Variants in IGFL2 observed in about 807,000 individuals in gnomAD.
The protein encoded by IGFL2 is insulin growth factor-like family member 2.
Under a neutral mutation model 13.9 loss-of-function variants are expected in IGFL2, and 7 were observed. The observed-to-expected ratio is 0.51, with a 90% CI of 0.29 to 0.95. The LOEUF is 0.95. Ranked by LOEUF, IGFL2 falls within the 40% of genes least tolerant of loss-of-function variation. The pLI is 0.08. For synonymous variants in IGFL2, 55 were observed against 55.8 expected, an observed-to-expected ratio of 0.99 and a Z score of 0.07; for missense variants, 138 against 147.8, an observed-to-expected ratio of 0.93 and a Z score of 0.34.
At chr19:46,174,290 A>G in the IGFL2 span, among the ~76,000 whole-genome samples, 1 of 152,352 alleles carries the variant, frequency 6.6e-6, no homozygotes, top group East Asian at 1.9e-4. Context: ...CAACACAGTG[A>G]CAGCAGAGCA....
chr19:46,180,508 A>T, the IGFL2 span: 1 of 152,142 alleles, frequency 6.6e-6, no homozygotes, highest in Non-Finnish European at 1.5e-5. Flanking sequence ...AGCCTTTTAT[A>T]TTTACTACAT....
chr19:46,134,570 C>T, the IGFL2 span, among the ~76,000 whole-genome samples: 2 of 152,212 alleles, frequency 1.3e-5, no homozygotes, highest in African/African-American at 4.8e-5. Flanking sequence ...GACAGATCAT[C>T]AGACATTAGA....
chr19:46,107,487 G>A, the IGFL2 span, among the ~76,000 whole-genome samples: 1 of 152,202 alleles, frequency 6.6e-6, no homozygotes, highest in Non-Finnish European at 1.5e-5. Context: ...TTGGCCCAGT[G>A]GCCAGATTTC....
At chr19:46,103,770 T>C in the IGFL2 span, among the ~76,000 whole-genome samples, 1 of 152,140 alleles carries the variant, frequency 6.6e-6, no homozygotes, top group Non-Finnish European at 1.5e-5. Flanking sequence ...CGAAGAGACC[T>C]AATAAAAATG....
the IGFL2 span, among the ~76,000 whole-genome samples, chr19:46,082,691 A>G: frequency 6.6e-6 from 1 of 151,324 alleles, no homozygotes; most frequent in African/African-American, 2.4e-5. Context: ...TGGTGCAGTC[A>G]TGGCTCACTG....
At chr19:46,176,657 A>ATC in the IGFL2 span, among the ~76,000 whole-genome samples, 1 of 152,120 alleles carries the variant, frequency 6.6e-6, no homozygotes, top group African/African-American at 2.4e-5. Flanking sequence ...GATGCCAGGG[A>ATC]TCTACACATG....
upstream of IGFL2, among the ~76,000 whole-genome samples, chr19:46,145,655 T>C (rs1973098326): frequency 6.6e-6 from 1 of 150,858 alleles, no homozygotes; most frequent in Non-Finnish European, 1.5e-5. Context: ...TTTATTTATT[T>C]AATATATATA....
At chr19:46,162,573 C>T (rs762622298), downstream of IGFL2, among the ~76,000 whole-genome samples, 12 of 152,118 alleles carry the variant, frequency 7.9e-5, no homozygotes, top group African/African-American at 2.9e-4. Flanking sequence ...CTTTCCTCAG[C>T]TTGGTTTATT....
chr19:46,160,389 CTTAACCTCCT>C lies in IGFL2; in HGVS notation c.20-23_20-14del, dbSNP rs1568433319. On this transcript the variant is annotated splice_polypyrimidine_tract_variant and intron_variant, in intron 1 of 3. Coordinates refer to ENST00000377693, the MANE Select transcript of IGFL2 (RefSeq NM_001135113.2). ...TAGTGGCCACACTTCCAGCCCCATC[CTTAACCTCCT>C]TTCTTTCTCTCCCAGCTCCTGCTTA... 6.2e-7 allele frequency: 1 copy of C among 1,606,410 alleles called. No homozygotes were observed. Among genetic ancestry groups the C allele is most frequent in the Non-Finnish European group, 8.5e-7 (1 of 1,175,504 alleles).
the IGFL2 span, among the ~76,000 whole-genome samples, chr19:46,171,843 T>G: frequency 6.6e-6 from 1 of 152,224 alleles, no homozygotes; most frequent in African/African-American, 2.4e-5. Flanking sequence ...GTGAGAATTT[T>G]TTTTACCAAG....
the IGFL2 span, chr19:46,137,298 A>G: frequency 2.2e-5 from 24 of 1,077,770 alleles, no homozygotes; most frequent in East Asian, 5.7e-4. Flanking sequence ...CACATGCAAT[A>G]TTATCTCCTT....
intron 1 of IGFL2, chr19:46,158,899 A>G (rs982361628): frequency 6.6e-6 from 1 of 152,168 alleles, no homozygotes; most frequent in Non-Finnish European, 1.5e-5. Context: ...ATCAGTTGTC[A>G]TCACTGAGGG....
the IGFL2 span, among the ~76,000 whole-genome samples, chr19:46,117,385 A>C: frequency 2.0e-5 from 3 of 152,098 alleles, no homozygotes; most frequent in Non-Finnish European, 4.4e-5. Flanking sequence ...GCACCAGGCC[A>C]AGAAGAATTC....
chr19:46,127,441 A>G, the IGFL2 span, among the ~76,000 whole-genome samples: 1 of 152,248 alleles, frequency 6.6e-6, no homozygotes, highest in African/African-American at 2.4e-5. Context: ...TTGACAATTT[A>G]GGTCATAGGC....
At chr19:46,175,453 T>C in the IGFL2 span, among the ~76,000 whole-genome samples, 1 of 152,176 alleles carries the variant, frequency 6.6e-6, no homozygotes, top group Non-Finnish European at 1.5e-5. Context: ...GAGAGAGGTA[T>C]ACATCTCTGG....
At chr19:46,202,050 G>A in the IGFL2 span, among the ~76,000 whole-genome samples, 1 of 152,136 alleles carries the variant, frequency 6.6e-6, no homozygotes, top group Admixed American at 6.5e-5. Flanking sequence ...GTGAGGAGCA[G>A]TGTGGGGAGG....
the IGFL2 span, among the ~76,000 whole-genome samples, chr19:46,081,362 T>C: frequency 6.6e-6 from 1 of 152,242 alleles, no homozygotes; most frequent in Non-Finnish European, 1.5e-5. Context: ...TCCTCTAATG[T>C]TGCATAGCCT....
At chr19:46,124,813 A>G in the IGFL2 span, 2 of 666,304 alleles carry the variant, frequency 3.0e-6, no homozygotes, top group Non-Finnish European at 5.4e-6. Flanking sequence ...AAGATAACCA[A>G]AGTCTCCCAA....
At chr19:46,196,574 G>T in the IGFL2 span, among the ~76,000 whole-genome samples, 1 of 152,002 alleles carries the variant, frequency 6.6e-6, no homozygotes. Flanking sequence ...TTCCCTGCCC[G>T]ACCCCAGCTG....
Sources: gnomAD v4.1 joint callset for allele counts (sites outside exome capture counted in the v4.1 genomes callset) on GRCh38, gnomAD v4.1.1 for gene constraint, MANE v1.5 for transcripts, NCBI Gene and HGNC (gene_info 2026-07-23, HGNC 2026-07-21) for gene names.